GRID2: variants seen among roughly 807,000 people sequenced by gnomAD.
GRID2 encodes the protein glutamate receptor ionotropic, delta-2.
Under a neutral mutation model 114.8 loss-of-function variants are expected in GRID2, and 33 were observed. The observed-to-expected ratio is 0.29, with a 90% CI of 0.22 to 0.38. The LOEUF is 0.38. GRID2 is among the 10% of genes least tolerant of loss of function. The pLI is 1.00. For synonymous variants in GRID2, 505 were observed against 449.9 expected, an observed-to-expected ratio of 1.12 and a Z score of -1.55; for missense variants, 1,184 against 1,257.7, an observed-to-expected ratio of 0.94 and a Z score of 0.89.
chr4:93,803,311 C>T (rs900121663), intron 1 of GRID2, among the ~76,000 whole-genome samples: 98 of 152,180 alleles, frequency 6.4e-4, no homozygotes, highest in African/African-American at 2.3e-3. Flanking sequence ...AAGCAACTAT[C>T]CCAAAAACCT....
chr4:93,197,717 C>A (rs1317401152), intron 4 of GRID2, among the ~76,000 whole-genome samples: 2 of 152,078 alleles, frequency 1.3e-5, no homozygotes, highest in African/African-American at 2.4e-5. Context: ...AAATGTCATT[C>A]AGCTCATCAG....
chr4:93,404,845 T>G (rs1766254040), intron 9 of GRID2, among the ~76,000 whole-genome samples: 1 of 152,126 alleles, frequency 6.6e-6, no homozygotes, highest in Non-Finnish European at 1.5e-5. Context: ...AGATATGATA[T>G]TCTATCAAGA....
At chr4:93,603,446 G>C (rs1739900709) in intron 13 of GRID2, among the ~76,000 whole-genome samples, 2 of 152,168 alleles carry the variant, frequency 1.3e-5, no homozygotes, top group Non-Finnish European at 2.9e-5. Context: ...TGCGGTTTAA[G>C]GAAAGAAGCC....
intron 10 of GRID2, among the ~76,000 whole-genome samples, chr4:93,434,490 A>T (rs1720874461): frequency 6.6e-6 from 1 of 152,078 alleles, no homozygotes; most frequent in African/African-American, 2.4e-5. Flanking sequence ...CAAAGCCAAC[A>T]ATCTCTTCTA....
intron 2 of GRID2, among the ~76,000 whole-genome samples, chr4:92,770,711 T>C (rs144252621): frequency 0.023 from 3,456 of 152,146 alleles, 97 homozygotes; most frequent in East Asian, 0.12. Context: ...TCAGATCTCA[T>C]GAGACTCATT....
intron 2 of GRID2, among the ~76,000 whole-genome samples, chr4:92,814,020 C>T (rs1296527160): frequency 6.6e-6 from 1 of 152,030 alleles, no homozygotes; most frequent in African/African-American, 2.4e-5. Flanking sequence ...TTTCCCTATT[C>T]TTCTCTATCT....
chr4:93,626,414 A>T lies in GRID2; in HGVS notation c.2339A>T (p.Tyr780Phe). 6.2e-7 allele frequency: 1 copy of T among 1,606,270 alleles called. No individual in the cohort carries two copies. The highest frequency in any genetic ancestry group is 8.5e-7 in the Non-Finnish European group (1 of 1,176,536). Residue 780 changes from tyrosine to phenylalanine, a missense_variant, in exon 14 of 16, where the codon TAC becomes TTC. Around this residue, in one of 3 missense-constraint regions of GRID2, gnomAD observed 717 missense variants for 796.9 expected, o/e 0.90. Coordinates refer to ENST00000282020, the MANE Select transcript of GRID2 (RefSeq NM_001510.4). ...ATTGCATTACAACATGGCAGTCCTT[A>T]CCGAGATGTTTTTTCACAAAGGTAA... ...YGIALQHGSP[Y>F]RDVFSQRILE...
chr4:93,702,145 A>G, intron 14 of GRID2, among the ~76,000 whole-genome samples: 1 of 152,180 alleles, frequency 6.6e-6, no homozygotes, highest in Non-Finnish European at 1.5e-5. Context: ...AACATTTCAA[A>G]AAGTTTTAAC....
chr4:93,797,598 A>G (rs529043166), intron 1 of GRID2, among the ~76,000 whole-genome samples: 1 of 152,210 alleles, frequency 6.6e-6, no homozygotes, highest in South Asian at 2.1e-4. Context: ...TTAAAATATC[A>G]ATTTGTGTTC....
At chr4:93,338,683 T>C (rs1759333508) in intron 8 of GRID2, among the ~76,000 whole-genome samples, 1 of 152,206 alleles carries the variant, frequency 6.6e-6, no homozygotes, top group Non-Finnish European at 1.5e-5. Context: ...ATCACACCAC[T>C]GACTACCTCC....
chr4:92,796,145 C>T (rs1739858945), intron 2 of GRID2, among the ~76,000 whole-genome samples: 1 of 151,874 alleles, frequency 6.6e-6, no homozygotes, highest in African/African-American at 2.4e-5. Flanking sequence ...ATAGCACTGA[C>T]AATATTTTCC....
At chr4:92,872,984 T>G (rs528399137) in intron 2 of GRID2, among the ~76,000 whole-genome samples, 1 of 152,188 alleles carries the variant, frequency 6.6e-6, no homozygotes, top group Admixed American at 6.5e-5. Context: ...GAAGTCAACA[T>G]GGTGGATTAG....
chr4:92,726,713 A>C (rs886404006), intron 2 of GRID2, among the ~76,000 whole-genome samples: 4 of 152,120 alleles, frequency 2.6e-5, no homozygotes, highest in South Asian at 2.1e-4. Context: ...TCTTTTGATA[A>C]AGTTACTAAA....
intron 8 of GRID2, 25 bp from the exon 9 acceptor site, chr4:93,395,582 T>C (rs771625906): frequency 1.9e-6 from 2 of 1,079,840 alleles, no homozygotes; most frequent in East Asian, 2.4e-5. Context: ...GGCAGAAAAA[T>C]GACCAAAGTT....
At chr4:92,877,019 G>C (rs184161104) in intron 2 of GRID2, among the ~76,000 whole-genome samples, 3 of 152,190 alleles carry the variant, frequency 2.0e-5, no homozygotes, top group Non-Finnish European at 2.9e-5. Flanking sequence ...AGTGAATTAT[G>C]GTTTTTATTT....
chr4:92,334,217 C>T (rs1727048303), intron 1 of GRID2, among the ~76,000 whole-genome samples: 1 of 152,168 alleles, frequency 6.6e-6, no homozygotes. Context: ...CATATTTCCA[C>T]CAACATTCTG....
chr4:92,422,269 A>C (rs975658119), intron 1 of GRID2, among the ~76,000 whole-genome samples: 4 of 152,010 alleles, frequency 2.6e-5, no homozygotes, highest in Non-Finnish European at 5.9e-5. Flanking sequence ...TGAAATGGAG[A>C]GTTCTAGGAG....
intron 13 of GRID2, among the ~76,000 whole-genome samples, chr4:93,517,141 A>AAT (rs1729812076): frequency 6.6e-6 from 1 of 152,074 alleles, no homozygotes; most frequent in South Asian, 2.1e-4. Flanking sequence ...TAAATAAGAT[A>AAT]ATATATATAA....
Position 92,364,271 on chromosome 4 carries a change from G to A in GRID2, c.88+59527G>A, listed in dbSNP as rs144334792. On this transcript the variant is annotated intron_variant, in intron 1 of 15. Transcript: ENST00000282020. ...TGTATGTTTAAAAGAACTAAGAAAG[G>A]AAGGGAGGAAGAAATAAACAGGTTT... 2.4e-3 allele frequency among the ~76,000 whole-genome samples: 363 copies of A among 152,124 alleles called. 2 individuals are homozygous for A. Among genetic ancestry groups the A allele is most frequent in the Middle Eastern group, 0.014 (4 of 294 alleles).
Sources: gnomAD v4.1 joint callset for allele counts (sites outside exome capture counted in the v4.1 genomes callset) on GRCh38, gnomAD v4.1.1 for gene constraint, gnomAD v4.1.1 regional missense constraint, MANE v1.5 for transcripts, NCBI Gene and HGNC (gene_info 2026-07-23, HGNC 2026-07-21) for gene names.